RNF32: variants seen among roughly 807,000 people sequenced by gnomAD.
RNF32 encodes ring finger protein 32.
RNF32 carries 36 observed loss-of-function variants against 41.0 expected under a neutral mutation model. The observed-to-expected ratio is 0.88, with a 90% confidence interval of 0.67 to 1.16. The LOEUF is 1.16. RNF32 is among the 50% of genes most tolerant of loss of function. RNF32 has a pLI of 0.00. For missense variants in RNF32, 413 were observed against 436.7 expected, an observed-to-expected ratio of 0.95 and a Z score of 0.48; for synonymous variants, 154 against 160.9, an observed-to-expected ratio of 0.96 and a Z score of 0.32.
intron 3 of RNF32, 64 bp downstream of exon 3, chr7:156,644,821 A>G (rs1797785429): frequency 6.7e-7 from 1 of 1,485,570 alleles, no homozygotes; most frequent in Admixed American, 2.2e-5. Flanking sequence ...TGAGATTAAT[A>G]GTATAATTTT....
intron 7 of RNF32, among the ~76,000 whole-genome samples, chr7:156,671,839 A>G (rs1802617304): frequency 7.7e-6 from 1 of 130,606 alleles, no homozygotes; most frequent in Non-Finnish European, 1.6e-5. Flanking sequence ...GCTAGAAATA[A>G]ATTTTTTTTA....
chr7:156,672,584 CTT>C (rs1316920542), intron 7 of RNF32, among the ~76,000 whole-genome samples: 1 of 152,198 alleles, frequency 6.6e-6, no homozygotes, highest in Non-Finnish European at 1.5e-5. Flanking sequence ...GGAAGTTTAT[CTT>C]GAGCTAAGTA....
In RNF32 at chr7:156,644,592, G is replaced by A. The variant is rs1340742852; in HGVS notation, c.109G>A (p.Ala37Thr). 1.9e-6 allele frequency: 3 copies of A among 1,613,348 alleles called. No individual in the cohort carries two copies. In the South Asian group the frequency reaches 3.3e-5, roughly 18 times the overall value. ...TCTTCAACTTCGAAATCTTTCAGTT[G>A]CAGATCATTCTAAGACACAAGTACA... ...HDLQLRNLSV[A>T]DHSKTQVQKK... The change falls in exon 3 of 9, where the codon GCA becomes ACA. Residue 37 changes from alanine (A) to threonine (T), a missense_variant. Coordinates refer to ENST00000317955, the MANE Select transcript of RNF32 (RefSeq NM_030936.4).
At chr7:156,652,705 A>G (rs1798915602) in intron 3 of RNF32, among the ~76,000 whole-genome samples, 2 of 152,128 alleles carry the variant, frequency 1.3e-5, no homozygotes, top group African/African-American at 2.4e-5. Context: ...AAAAAAAAAG[A>G]TTTGAGAAAT....
At chr7:156,645,362 A>T (rs1797848921) in intron 3 of RNF32, among the ~76,000 whole-genome samples, 5 of 152,336 alleles carry the variant, frequency 3.3e-5, no homozygotes, top group Middle Eastern at 3.4e-3. Flanking sequence ...GAAAGGTACA[A>T]CATCACTTCT....
chr7:156,657,636 C>T, intron 5 of RNF32, 63 bp downstream of exon 5: 1 of 1,514,102 alleles, frequency 6.6e-7, no homozygotes, highest in Non-Finnish European at 9.2e-7. Flanking sequence ...GCAGAGAAAC[C>T]ATAGTCATTT....
intron 4 of RNF32, among the ~76,000 whole-genome samples, chr7:156,655,849 C>CTCTT (rs1421872277): frequency 6.6e-6 from 1 of 152,150 alleles, no homozygotes; most frequent in Non-Finnish European, 1.5e-5. Context: ...GCTAAGCACC[C>CTCTT]TCTTTCTTAC....
upstream of RNF32, chr7:156,640,589 G>C (rs957806483): frequency 6.3e-5 from 26 of 412,388 alleles, no homozygotes; most frequent in African/African-American, 5.7e-4. Flanking sequence ...AGCATGCGCA[G>C]TGTGGTGTGG....
At chr7:156,655,971 A>G (rs1264516888) in intron 4 of RNF32, among the ~76,000 whole-genome samples, 2 of 152,188 alleles carry the variant, frequency 1.3e-5, no homozygotes, top group African/African-American at 4.8e-5. Flanking sequence ...ATTTTTATAA[A>G]TTTCTCACTA....
intron 7 of RNF32, among the ~76,000 whole-genome samples, chr7:156,661,017 G>A (rs780627479): frequency 6.6e-6 from 1 of 152,202 alleles, no homozygotes; most frequent in Non-Finnish European, 1.5e-5. Context: ...AAATACTGGA[G>A]TCAGCAGAAG....
intron 7 of RNF32, among the ~76,000 whole-genome samples, chr7:156,674,003 C>A (rs1002235256): frequency 6.6e-6 from 1 of 150,442 alleles, no homozygotes; most frequent in African/African-American, 2.5e-5. Flanking sequence ...TGCATTTTCC[C>A]CATCACATAT....
intron 7 of RNF32, chr7:156,659,132 T>C: frequency 2.2e-6 from 3 of 1,343,148 alleles, no homozygotes; most frequent in African/African-American, 1.5e-5. Context: ...TGTCCCCATA[T>C]GAAAAGGACA....
intron 7 of RNF32, among the ~76,000 whole-genome samples, chr7:156,663,573 G>C (rs1383796699): frequency 6.6e-6 from 1 of 152,184 alleles, no homozygotes; most frequent in Non-Finnish European, 1.5e-5. Context: ...AGGATTGGCT[G>C]TGCATTTAGG....
chr7:156,654,648 G>T lies in RNF32; in HGVS notation c.347G>T (p.Arg116Leu). 6.2e-7 allele frequency: 1 copy of T among 1,613,964 alleles called. No homozygotes were observed. The highest frequency in any genetic ancestry group is 8.5e-7 in the Non-Finnish European group (1 of 1,179,850). The change falls in exon 4 of 9, where the codon CGC becomes CTC. Residue 116 changes from arginine to leucine, a missense_variant. Arg to Leu is a moderately radical substitution (Grantham distance 102). Coordinates refer to ENST00000317955, the MANE Select transcript of RNF32 (RefSeq NM_030936.4). ...SSDEWEKVKQ[R>L]SLLQGDSVQP... ...GATGAATGGGAGAAGGTGAAACAGCGCTCTCTCCTGCAAGGGGACTCCGTG... is the reference window on the plus strand; with the variant it reads ...GATGAATGGGAGAAGGTGAAACAGCTCTCTCTCCTGCAAGGGGACTCCGTG...
At chr7:156,649,310 G>A (rs1361512809) in intron 3 of RNF32, among the ~76,000 whole-genome samples, 1 of 152,014 alleles carries the variant, frequency 6.6e-6, no homozygotes, top group Non-Finnish European at 1.5e-5. Context: ...AGGTCTTTTT[G>A]TCTCTGATTC....
At chr7:156,657,784 T>C (rs1799949725) in intron 5 of RNF32, 1 of 615,394 alleles carries the variant, frequency 1.6e-6, no homozygotes, top group South Asian at 2.0e-5. Context: ...CAAATGTTTA[T>C]GTAACAGATT....
At chr7:156,640,534 A>C (rs1215682826), upstream of RNF32, 1 of 374,140 alleles carries the variant, frequency 2.7e-6, no homozygotes, top group Non-Finnish European at 5.2e-6. Context: ...ACGGGAACGC[A>C]CCTGCGTCTA....
chr7:156,641,251 C>G (rs1207662393), intron 1 of RNF32, among the ~76,000 whole-genome samples: 1 of 152,172 alleles, frequency 6.6e-6, no homozygotes, highest in East Asian at 1.9e-4. Flanking sequence ...CAAGACCCTA[C>G]GTAGGATTGC....
chr7:156,671,074 G>GT (rs1802384101), intron 7 of RNF32, among the ~76,000 whole-genome samples: 1 of 152,222 alleles, frequency 6.6e-6, no homozygotes, highest in Non-Finnish European at 1.5e-5. Context: ...CCTTAATAAT[G>GT]TAAGTATGCA....
Sources: gnomAD v4.1 joint callset for allele counts (sites outside exome capture counted in the v4.1 genomes callset) on GRCh38, gnomAD v4.1.1 for gene constraint, MANE v1.5 for transcripts, NCBI Gene and HGNC (gene_info 2026-07-23, HGNC 2026-07-21) for gene names.